The following PPP1R3A variants were observed in gnomAD, a reference collection of about 807,000 sequenced individuals.
The protein encoded by PPP1R3A is protein phosphatase 1 regulatory subunit 3A.
PPP1R3A carries 29 observed loss-of-function variants against 41.7 expected under a neutral mutation model. That is an observed-to-expected ratio of 0.70 (90% CI 0.52 to 0.95). The LOEUF (loss-of-function observed/expected upper bound fraction) is 0.95, where lower values mean the gene tolerates loss of function less well. PPP1R3A is among the 40% of genes least tolerant of loss of function. PPP1R3A has a pLI of 0.00. For missense variants in PPP1R3A, 1,352 were observed against 1,292.4 expected (o/e 1.05, Z -0.71); for synonymous variants, 485 against 453.4 (o/e 1.07, Z -0.89).
chr7:113,878,655 G>C lies in PPP1R3A; in HGVS notation c.2437C>G (p.Arg813Gly). Residue 813 changes from arginine to glycine, a missense_variant, in exon 4 of 4, where the codon CGT becomes GGT. Arg to Gly is a moderately radical substitution (Grantham distance 125, BLOSUM62 -2). Transcript: ENST00000284601. Reference protein sequence around the residue: ...KESRLGICNVRVDEMEKEETM... With the variant: ...KESRLGICNVGVDEMEKEETM... ...TCTTCCTTCTCCATTTCATCTACAC[G>C]TACATTACAAATACCTAAACGTGAT... 1.9e-6 allele frequency: 3 copies of C among 1,613,076 alleles called. No individual in the cohort carries two copies. The highest frequency in any genetic ancestry group is 2.5e-6 in the Non-Finnish European group (3 of 1,179,584).
In PPP1R3A at chr7:113,882,992, T is replaced by C. The variant is rs149860881; in HGVS notation, c.783-672A>G. The stretch of plus-strand genomic sequence containing the variant: ...TATGCAAGCATATACTTTCCTTCTT[T>C]AAAATGATTTGGGTTACATTTCCTT... On this transcript the variant is annotated intron_variant, in intron 1 of 3. Coordinates refer to ENST00000284601, the MANE Select transcript of PPP1R3A (RefSeq NM_002711.4). Among the ~76,000 whole-genome samples the C allele has an allele frequency of 7.4e-3, 1,122 of 152,154 alleles. 14 individuals are homozygous for C. Among genetic ancestry groups the C allele is most frequent in the African/African-American group, 0.025 (1,036 of 41,564 alleles).
At position 113,918,305 on chromosome 7, in the gene PPP1R3A, CAAAT is replaced by C. The variant is rs757818550; in HGVS notation, c.688_691del (p.Ile230ValfsTer11). Reference sequence around the variant, plus strand: ...CTCCGGCTCTTGTTCTTTCTTTTGACAAATGAATGTATAATTTGTGCCATTATTA... The same window carrying C: ...CTCCGGCTCTTGTTCTTTCTTTTGACGAATGTATAATTTGTGCCATTATTA... On this transcript the variant is annotated frameshift_variant, in exon 1 of 4. Transcript: ENST00000284601. LOFTEE classifies it high-confidence loss of function. 6.2e-7 allele frequency: 1 copy of C among 1,612,640 alleles called. No homozygotes were observed. Among genetic ancestry groups the C allele is most frequent in the South Asian group, 1.1e-5 (1 of 90,914 alleles).
At chr7:113,882,435 C>G in intron 1 of PPP1R3A, 115 bp from the exon 2 acceptor site, 1 of 641,164 alleles carries the variant, frequency 1.6e-6, no homozygotes, top group South Asian at 1.8e-5. Flanking sequence ...TATAGCCTTT[C>G]TTATTTTCCT....
intron 1 of PPP1R3A, among the ~76,000 whole-genome samples, chr7:113,900,971 C>A (rs554685091): frequency 6.6e-6 from 1 of 151,352 alleles, no homozygotes; most frequent in African/African-American, 2.4e-5. Context: ...TGTAGAATTT[C>A]TTCTTTGATT....
chr7:113,909,817 C>T (rs1454474285), intron 1 of PPP1R3A, among the ~76,000 whole-genome samples: 1 of 152,014 alleles, frequency 6.6e-6, no homozygotes, highest in Non-Finnish European at 1.5e-5. Context: ...TGACTAAAGA[C>T]AGAACAACGT....
intron 1 of PPP1R3A, among the ~76,000 whole-genome samples, chr7:113,885,016 C>A (rs1338597021): frequency 3.3e-5 from 5 of 152,024 alleles, no homozygotes; most frequent in Non-Finnish European, 7.4e-5. Flanking sequence ...AATTAAAAGT[C>A]TGTTAATACC....
Position 113,918,387 on chromosome 7 carries a change from T to C in PPP1R3A, c.610A>G (p.Lys204Glu). The change falls in exon 1 of 4, where the codon AAA becomes GAA. Residue 204 changes from lysine (K) to glutamate (E), a missense_variant. Physicochemically the swap from Lys to Glu is moderately conservative, Grantham distance 56. Transcript: ENST00000284601. ...LVPPYQKDGS[K>E]VEFCIRYETS... ...TCATAACGTATACAAAACTCAACTT[T>C]ACTGCCATCTTTTTGATAAGGAGGA... is the stretch of plus-strand genomic sequence containing the variant. 1 of 1,613,520 alleles carries C rather than the reference T, an allele frequency of 6.2e-7. No homozygotes were observed. Among genetic ancestry groups the C allele is most frequent in the East Asian group, 2.2e-5 (1 of 44,834 alleles).
chr7:113,889,352 A>T (rs1417046543), intron 1 of PPP1R3A, among the ~76,000 whole-genome samples: 1 of 152,202 alleles, frequency 6.6e-6, no homozygotes, highest in Non-Finnish European at 1.5e-5. Context: ...AATTATGCAG[A>T]GGTTTCTAAT....
chr7:113,892,920 T>C (rs1796917384), intron 1 of PPP1R3A, among the ~76,000 whole-genome samples: 1 of 152,058 alleles, frequency 6.6e-6, no homozygotes, highest in Non-Finnish European at 1.5e-5. Context: ...ACCGACACAT[T>C]GTTTTTTTGT....
At chr7:113,916,954 C>G (rs891305464) in intron 1 of PPP1R3A, among the ~76,000 whole-genome samples, 2 of 151,860 alleles carry the variant, frequency 1.3e-5, no homozygotes, top group African/African-American at 4.8e-5. Flanking sequence ...TTTCAGATGA[C>G]TTTAAAGGAA....
At chr7:113,903,629 TCTC>T (rs1181515477) in intron 1 of PPP1R3A, among the ~76,000 whole-genome samples, 1 of 151,730 alleles carries the variant, frequency 6.6e-6, no homozygotes, top group Non-Finnish European at 1.5e-5. Flanking sequence ...TACATTCAAT[TCTC>T]CTCCTTACAG....
chr7:113,917,464 G>T (rs979772610), intron 1 of PPP1R3A, among the ~76,000 whole-genome samples: 5 of 152,010 alleles, frequency 3.3e-5, no homozygotes, highest in African/African-American at 9.7e-5. Flanking sequence ...AGAGAGTAAG[G>T]TTACTAATGA....
At chr7:113,903,238 A>T (rs139892949) in intron 1 of PPP1R3A, among the ~76,000 whole-genome samples, 4 of 151,792 alleles carry the variant, frequency 2.6e-5, no homozygotes, top group Non-Finnish European at 5.9e-5. Context: ...ACTAATTACA[A>T]TAAGAAAGTT....
At chr7:113,911,621 T>C (rs1437783701) in intron 1 of PPP1R3A, among the ~76,000 whole-genome samples, 2 of 152,094 alleles carry the variant, frequency 1.3e-5, no homozygotes, top group Non-Finnish European at 2.9e-5. Context: ...CAGGTGATGT[T>C]CCAAAGCTTT....
chr7:113,912,350 G>T (rs996475003), intron 1 of PPP1R3A, among the ~76,000 whole-genome samples: 5 of 152,074 alleles, frequency 3.3e-5, no homozygotes, highest in Admixed American at 3.3e-4. Context: ...CCCTCGAGGG[G>T]TCTCCATTTA....
Position 113,878,891 on chromosome 7 carries a change from T to G in PPP1R3A, c.2201A>C (p.Lys734Thr). The change falls in exon 4 of 4, where the codon AAG (lysine) becomes ACG (threonine). Residue 734 changes from lysine (K) to threonine (T), a missense_variant. Physicochemically the swap from Lys to Thr is moderately conservative, Grantham distance 78. Transcript: ENST00000284601. ...TTCTGGAGTACTTTCTGATGTTGTC[T>G]TAATTATATAGGCTGTACCAGCTTC... The part of the protein sequence containing the change: ...KAEAGTAYII[K>T]TTSESTPESM... 1 of 1,613,038 alleles carries G rather than the reference T, an allele frequency of 6.2e-7. No individual in the cohort carries two copies. Among genetic ancestry groups the G allele is most frequent in the Non-Finnish European group, 8.5e-7 (1 of 1,179,766 alleles).
intron 1 of PPP1R3A, among the ~76,000 whole-genome samples, chr7:113,904,011 C>T (rs1330404821): frequency 6.6e-6 from 1 of 151,684 alleles, no homozygotes; most frequent in African/African-American, 2.4e-5. Context: ...GCAGTATAAT[C>T]GTTTTTCTAA....
At chr7:113,907,116 C>T (rs573442167) in intron 1 of PPP1R3A, among the ~76,000 whole-genome samples, 2 of 151,760 alleles carry the variant, frequency 1.3e-5, no homozygotes, top group Non-Finnish European at 3.0e-5. Context: ...TAAAAACATC[C>T]TTTTGGCTGT....
intron 1 of PPP1R3A, among the ~76,000 whole-genome samples, chr7:113,909,347 C>T (rs148615251): frequency 2.6e-5 from 4 of 151,990 alleles, no homozygotes; most frequent in South Asian, 4.2e-4. Context: ...ATAAATGAAG[C>T]GATCTTCTGA....
Sources: gnomAD v4.1 joint callset for allele counts (sites outside exome capture counted in the v4.1 genomes callset) on GRCh38, gnomAD v4.1.1 for gene constraint, MANE v1.5 for transcripts, NCBI Gene and HGNC (gene_info 2026-07-23, HGNC 2026-07-21) for gene names.